Variants in S1PR5 observed in about 807,000 individuals in gnomAD.
S1PR5 encodes sphingosine-1-phosphate receptor 5, also known as sphingosine 1-phosphate receptor 5.
For synonymous variants in S1PR5, 307 were observed against 284.7 expected (o/e 1.08, Z -0.79); for missense variants, 583 against 571.7 (o/e 1.02, Z -0.20).
rs1202901720 is a variant in S1PR5, at chr19:10,513,727, T to TGCAC, written c.*84_*87dup. The TGCAC allele has an allele frequency of 6.5e-7, 1 of 1,533,302 alleles. No homozygotes were observed. The highest frequency in any genetic ancestry group is 2.3e-5 in the East Asian group (1 of 42,814). The allele number at this position is 1,533,302 out of a possible 1,614,324, so 95.0% of individuals were successfully genotyped here. A position where few individuals can be genotyped will look rare whatever the true frequency, so the allele number is the denominator to read the frequency against. On this transcript the variant is annotated 3_prime_UTR_variant, in exon 2 of 2. Transcript: ENST00000333430. Reference sequence around the variant, plus strand: ...ACATTTCCCCTGCATCTTTTCCGACTGCACCTTTGGCTGCATTTCCTACAA... The same window carrying TGCAC: ...ACATTTCCCCTGCATCTTTTCCGACTGCACGCACCTTTGGCTGCATTTCCTACAA...
At chr19:10,517,764 G>A (rs569031050), upstream of S1PR5, 1 of 923,582 alleles carries the variant, frequency 1.1e-6, no homozygotes, top group Admixed American at 6.2e-5. Context: ...CTTCTCCCCA[G>A]CGGAGGGGTC....
At position 10,513,524 on chromosome 19, in the gene S1PR5, C is replaced by T; in HGVS notation, c.*291G>A. On this transcript the variant is annotated 3_prime_UTR_variant, in exon 2 of 2. Coordinates refer to ENST00000333430, the MANE Select transcript of S1PR5 (RefSeq NM_030760.5). ...AGGTCTCAGCTCACATCACAAGTCA[C>T]TACCTCTGCAGAGAGGTCTTCCCTG... 1.8e-6 allele frequency: 1 copy of T among 566,520 alleles called. No homozygotes were observed. The highest frequency in any genetic ancestry group is 3.1e-6 in the Non-Finnish European group (1 of 324,882). The allele number at this position is 566,520 out of a possible 1,614,324, so 35.1% of individuals were successfully genotyped here.
chr19:10,515,090 C>T (rs1436682142), intron 1 of S1PR5, 61 bp from the exon 2 acceptor site: 13 of 1,500,796 alleles, frequency 8.7e-6, no homozygotes, highest in South Asian at 1.3e-5. Context: ...TCGCAGCAGC[C>T]GGCTAAGTCG....
Position 10,514,873 on chromosome 19 carries a change from A to T in S1PR5, c.139T>A (p.Cys47Ser). The change falls in exon 2 of 2, where the codon TGC becomes AGC. Residue 47 changes from cysteine (C) to serine (S), a missense_variant. Coordinates refer to ENST00000333430, the MANE Select transcript of S1PR5 (RefSeq NM_030760.5). ...AGATTCTCTAGCACGATGAAGGCGC[A>T]CACCGCCAGGCACACCACGGCGTCG... ...RADAVVCLAV[C>S]AFIVLENLAV... is the part of the protein sequence containing the mutation. The T allele has an allele frequency of 6.2e-7, 1 of 1,612,610 alleles. No individual in the cohort carries two copies. The highest frequency in any genetic ancestry group is 8.5e-7 in the Non-Finnish European group (1 of 1,179,586).
upstream of S1PR5, chr19:10,517,635 G>A (rs1411747789): frequency 1.0e-6 from 1 of 985,224 alleles, no homozygotes; most frequent in African/African-American, 1.7e-5. Context: ...GCACAGGCGA[G>A]CCCTCAGCTG....
Position 10,517,404 on chromosome 19 carries a change from C to T in S1PR5, c.-25G>A. 1 of 985,646 alleles carries T rather than the reference C, an allele frequency of 1.0e-6. No individual in the cohort carries two copies. Among genetic ancestry groups the T allele is most frequent in the Non-Finnish European group, 1.2e-6 (1 of 830,080 alleles). The allele number at this position is 985,646 out of a possible 1,614,324, so 61.1% of individuals were successfully genotyped here. A position where few individuals can be genotyped will look rare whatever the true frequency, so the allele number is the denominator to read the frequency against. ...TCCAGTGCAGTCCACTCACTCTGCG[C>T]CCTGGTCGTGCGCCACCCGCAGTCG... On this transcript the variant is annotated 5_prime_UTR_variant, in exon 1 of 2. Transcript: ENST00000333430.
In S1PR5 at chr19:10,514,277, G is replaced by A. The variant is rs1403259018; in HGVS notation, c.735C>T (p.Arg245=). Residue 245 remains arginine, a synonymous_variant, in exon 2 of 2, where the codon CGC becomes CGT. Coordinates refer to ENST00000333430, the MANE Select transcript of S1PR5 (RefSeq NM_030760.5). ...TGAGCGTGCGCAGCAAGGCCAGCGAGCGCGGCTTGCGACGCGCCCGGGTCG... is the reference window on the plus strand; with the variant it reads ...TGAGCGTGCGCAGCAAGGCCAGCGAACGCGGCTTGCGACGCGCCCGGGTCG... The part of the protein sequence containing the change: ...TTSTRARRKP[R]SLALLRTLSV... 1 of 1,576,564 alleles carries A rather than the reference G, an allele frequency of 6.3e-7. No individual in the cohort carries two copies.
chr19:10,515,154 G>T, intron 1 of S1PR5, 125 bp from the exon 2 acceptor site: 1 of 1,271,746 alleles, frequency 7.9e-7, no homozygotes, highest in Non-Finnish European at 1.1e-6. Flanking sequence ...GTGTCCAAGG[G>T]GGAGTTCAGG....
chr19:10,517,562 C>T (rs369671742), upstream of S1PR5: 13 of 985,182 alleles, frequency 1.3e-5, no homozygotes, highest in East Asian at 3.4e-4. Flanking sequence ...CCCGGGCACT[C>T]AGCCCATGGC....
intron 1 of S1PR5, among the ~76,000 whole-genome samples, chr19:10,515,776 C>T (rs968400319): frequency 1.3e-5 from 2 of 151,904 alleles, no homozygotes; most frequent in Non-Finnish European, 2.9e-5. Flanking sequence ...AAAAATTAGC[C>T]GGGACGTGTT....
Position 10,514,217 on chromosome 19 carries a change from G to A in S1PR5, c.795C>T (p.Gly265=), listed in dbSNP as rs149224723. Residue 265 remains glycine (G), a synonymous_variant, in exon 2 of 2, where the codon GGC becomes GGT. Transcript: ENST00000333430. The part of the protein sequence containing the change: ...VVLLAFVACW[G]PLFLLLLLDV... ...CGAGCAACAGCAGCAGGAAGAGGGG[G>A]CCCCAACATGCCACAAAGGCCAGGA... The A allele has an allele frequency of 6.8e-6, 11 of 1,609,448 alleles. No individual in the cohort carries two copies. The African/African-American group carries it at 1.3e-4, about 20-fold the overall frequency.
rs773484641 is a variant in S1PR5 at position 10,514,520 on chromosome 19, G to A, written c.492C>T (p.Leu164=). ...AGCCCAGCGCTGGCAGGAGCCCGAG[G>A]AGCAGCGACACGCCCCAGGCCGCGG... ...MAAAAWGVSL[L]LGLLPALGWN... The change falls in exon 2 of 2, where the codon CTC becomes CTT. Residue 164 remains leucine (L), a synonymous_variant. Transcript: ENST00000333430. 3 of 1,594,460 alleles carry A rather than the reference G, an allele frequency of 1.9e-6. No homozygotes were observed. The highest frequency in any genetic ancestry group is 2.6e-6 in the Non-Finnish European group (3 of 1,171,802).
At chr19:10,515,339 AGGCTCAGGCCTGAGGCAGT>A (rs1915412423) in intron 1 of S1PR5, among the ~76,000 whole-genome samples, 2 of 151,874 alleles carry the variant, frequency 1.3e-5, no homozygotes, top group East Asian at 1.9e-4. Flanking sequence ...TAATCCCCCC[AGGCTCAGGCCTGAGGCAGT>A]GGCTCAGGCC....
rs1915344923 is a variant in S1PR5 at position 10,513,842 on chromosome 19, A to G, written c.1170T>C (p.Thr390=). 1 of 1,612,552 alleles carries G rather than the reference A, an allele frequency of 6.2e-7. No homozygotes were observed. Among genetic ancestry groups the G allele is most frequent in the Non-Finnish European group, 8.5e-7 (1 of 1,179,832 alleles). Residue 390 remains threonine, a synonymous_variant, in exon 2 of 2, where the codon ACT becomes ACC. Coordinates refer to ENST00000333430, the MANE Select transcript of S1PR5 (RefSeq NM_030760.5). ...GSPGAPTAAR[T]LVSEPAAD is the part of the protein sequence containing the mutation. The stretch of plus-strand genomic sequence containing the variant: ...AGTCTGCAGCCGGTTCTGATACCAG[A>G]GTCCGGGCGGCTGTGGGTGCACCGG...
intron 1 of S1PR5, 40 bp from the exon 2 acceptor site, chr19:10,515,069 C>T (rs780545997): frequency 2.0e-6 from 3 of 1,506,084 alleles, no homozygotes; most frequent in Non-Finnish European, 2.6e-6. Flanking sequence ...CCGCGGTCCC[C>T]GTAAGCACGC....
At chr19:10,515,455 C>T (rs891200446) in intron 1 of S1PR5, among the ~76,000 whole-genome samples, 8 of 152,032 alleles carry the variant, frequency 5.3e-5, no homozygotes, top group Admixed American at 1.3e-4. Flanking sequence ...CTGCTAAAAA[C>T]ACAAAAAATT....
At chr19:10,517,131 C>G (rs1915456166) in intron 1 of S1PR5, 1 of 154,182 alleles carries the variant, frequency 6.5e-6, no homozygotes, top group Non-Finnish European at 1.4e-5. Flanking sequence ...GCTTGCCCGG[C>G]AGCAGGACTG....
intron 1 of S1PR5, among the ~76,000 whole-genome samples, chr19:10,516,168 C>G (rs1313609229): frequency 6.6e-6 from 1 of 152,108 alleles, no homozygotes; most frequent in Non-Finnish European, 1.5e-5. Flanking sequence ...TACAGGGTCT[C>G]CCACCCAGTG....
chr19:10,515,172 G>A lies in S1PR5; in HGVS notation c.-18-143C>T, dbSNP rs1008537156. The A allele has an allele frequency of 7.5e-5, 81 of 1,081,036 alleles. No homozygotes were observed. In the Admixed American group the frequency reaches 2.2e-3, roughly 29 times the overall value. The allele number at this position is 1,081,036 out of a possible 1,614,324, so 67.0% of individuals were successfully genotyped here. A position where few individuals can be genotyped will look rare whatever the true frequency, so the allele number is the denominator to read the frequency against. On this transcript the variant is annotated intron_variant, in intron 1 of 1. Coordinates refer to ENST00000333430, the MANE Select transcript of S1PR5 (RefSeq NM_030760.5). ...TCCAAGGGGGAGTTCAGGATGGAGGGATAGAGTCCGTGGAGACAGACATAC... is the reference window on the plus strand; with the variant it reads ...TCCAAGGGGGAGTTCAGGATGGAGGAATAGAGTCCGTGGAGACAGACATAC...
Sources: allele counts gnomAD v4.1 joint callset (sites outside exome capture counted in the v4.1 genomes callset), GRCh38; gene constraint gnomAD v4.1.1; transcripts MANE v1.5; gene names NCBI Gene and HGNC (gene_info 2026-07-23, HGNC 2026-07-21).